The following CALCRL variants were observed in gnomAD, a reference collection of about 807,000 sequenced individuals.
CALCRL encodes calcitonin gene-related peptide type 1 receptor.
A neutral mutation model predicts 60.4 loss-of-function variants in CALCRL; 27 were observed. That is an observed-to-expected ratio of 0.45 (90% CI 0.33 to 0.62). CALCRL has a LOEUF of 0.62. CALCRL is among the 20% of genes least tolerant of loss of function. The pLI, the probability that CALCRL is intolerant of heterozygous loss-of-function variation, is 0.03. For synonymous variants in CALCRL, 190 were observed against 182.6 expected, an observed-to-expected ratio of 1.04 and a Z score of -0.33; for missense variants, 424 against 540.7, an observed-to-expected ratio of 0.78 and a Z score of 2.14.
At chr2:187,419,986 C>T (rs1189546772) in intron 1 of CALCRL, among the ~76,000 whole-genome samples, 1 of 152,112 alleles carries the variant, frequency 6.6e-6, no homozygotes, top group East Asian at 1.9e-4. Context: ...CCTCTGTTTG[C>T]CCTACTAATA....
Position 187,345,038 on chromosome 2 carries a change from T to C in CALCRL, c.*1146A>G, listed in dbSNP as rs1686221219. 1 of 152,148 alleles carries C rather than the reference T, an allele frequency of 6.6e-6. No homozygotes were observed. Among genetic ancestry groups the C allele is most frequent in the Admixed American group, 6.6e-5 (1 of 15,166 alleles). The allele number at this position is 152,148 out of a possible 1,614,324, so 9.4% of individuals were successfully genotyped here. A position where few individuals can be genotyped will look rare whatever the true frequency, so the allele number is the denominator to read the frequency against. On this transcript the variant is annotated 3_prime_UTR_variant, in exon 15 of 15. Coordinates refer to ENST00000392370, the MANE Select transcript of CALCRL (RefSeq NM_005795.6). ...ATATATCTTATGATAGATGTTTCTG[T>C]TCTCTTAGTTCTCAAACAGACTTCT... is the stretch of plus-strand genomic sequence containing the variant.
chr2:187,420,015 A>G (rs951922517), intron 1 of CALCRL, among the ~76,000 whole-genome samples: 1 of 152,176 alleles, frequency 6.6e-6, no homozygotes, highest in Non-Finnish European at 1.5e-5. Flanking sequence ...CCTAGTTGCT[A>G]TTGTCACATT....
intron 14 of CALCRL, among the ~76,000 whole-genome samples, chr2:187,350,194 C>G (rs940449315): frequency 4.0e-5 from 6 of 151,444 alleles, no homozygotes; most frequent in Non-Finnish European, 5.9e-5. Context: ...AAAATTAGTT[C>G]ATGGAATTAA....
At chr2:187,432,213 G>C (rs1690436483) in intron 1 of CALCRL, among the ~76,000 whole-genome samples, 1 of 152,108 alleles carries the variant, frequency 6.6e-6, no homozygotes, top group Non-Finnish European at 1.5e-5. Flanking sequence ...AAATATGGAA[G>C]TTACATAAAT....
rs73981584 is a variant in CALCRL at position 187,447,091 on chromosome 2, A to T, written c.-293+948T>A. On this transcript the variant is annotated intron_variant, in intron 1 of 14. Coordinates refer to ENST00000392370, the MANE Select transcript of CALCRL (RefSeq NM_005795.6). ...CAGACATTAGTTTCTTAAATTGTTC[A>T]GGACAGTCTGTACTATCGGAATGAG... Among the ~76,000 whole-genome samples the T allele has an allele frequency of 5.9e-3, 894 of 152,212 alleles. 16 individuals carry two copies. The highest frequency in any genetic ancestry group is 0.021 in the African/African-American group (864 of 41,578).
At chr2:187,383,095 C>T (rs1688046806) in intron 5 of CALCRL, 78 bp downstream of exon 5, 10 of 1,379,968 alleles carry the variant, frequency 7.2e-6, no homozygotes, top group African/African-American at 2.9e-5. Flanking sequence ...GGACCTAAAG[C>T]ACTTATAATG....
intron 1 of CALCRL, among the ~76,000 whole-genome samples, chr2:187,443,829 T>G (rs1156653813): frequency 2.0e-5 from 3 of 151,728 alleles, no homozygotes; most frequent in African/African-American, 7.2e-5. Context: ...TTCCTTCAAA[T>G]TATCCTTGGA....
At chr2:187,442,347 A>C (rs1216340916) in intron 1 of CALCRL, among the ~76,000 whole-genome samples, 1 of 151,284 alleles carries the variant, frequency 6.6e-6, no homozygotes, top group Non-Finnish European at 1.5e-5. Flanking sequence ...TGTAAGCAAA[A>C]TGAGAATCCC....
At chr2:187,398,199 C>T (rs2105817333) in intron 1 of CALCRL, among the ~76,000 whole-genome samples, 1 of 151,752 alleles carries the variant, frequency 6.6e-6, no homozygotes, top group East Asian at 1.9e-4. Context: ...ATTAATTGCT[C>T]AAAGAGCACT....
At chr2:187,432,208 T>C (rs1690436374) in intron 1 of CALCRL, among the ~76,000 whole-genome samples, 1 of 152,134 alleles carries the variant, frequency 6.6e-6, no homozygotes, top group Non-Finnish European at 1.5e-5. Flanking sequence ...CAAACAAATA[T>C]GGAAGTTACA....
chr2:187,396,190 T>G (rs11904392), intron 1 of CALCRL, among the ~76,000 whole-genome samples: 2 of 149,368 alleles, frequency 1.3e-5, no homozygotes, highest in East Asian at 2.0e-4. Flanking sequence ...AAAAAATAAA[T>G]AAATAAAGAA....
intron 1 of CALCRL, among the ~76,000 whole-genome samples, chr2:187,447,234 G>A (rs896895278): frequency 2.0e-5 from 3 of 151,518 alleles, no homozygotes; most frequent in Admixed American, 6.6e-5. Context: ...AAGCTGTCAC[G>A]TTTCTTTATC....
chr2:187,436,204 C>T (rs1005050303), intron 1 of CALCRL, among the ~76,000 whole-genome samples: 1 of 151,850 alleles, frequency 6.6e-6, no homozygotes, highest in African/African-American at 2.4e-5. Flanking sequence ...GTTATTATGC[C>T]CTATTCATAC....
intron 8 of CALCRL, among the ~76,000 whole-genome samples, chr2:187,378,477 C>T (rs140017190): frequency 4.6e-5 from 7 of 152,130 alleles, no homozygotes; most frequent in East Asian, 1.9e-4. Context: ...AATGATGACC[C>T]GCCAAACGAG....
intron 14 of CALCRL, among the ~76,000 whole-genome samples, chr2:187,350,504 C>A (rs760880742): frequency 6.7e-6 from 1 of 149,058 alleles, no homozygotes; most frequent in Non-Finnish European, 1.5e-5. Context: ...GGAAGTACCA[C>A]TTAAATGTAT....
chr2:187,355,797 CA>C (rs1256755582), intron 12 of CALCRL, among the ~76,000 whole-genome samples: 4 of 152,100 alleles, frequency 2.6e-5, no homozygotes, highest in African/African-American at 9.7e-5. Flanking sequence ...GCAACTTTAG[CA>C]AAGTCTCAGG....
intron 14 of CALCRL, among the ~76,000 whole-genome samples, chr2:187,347,245 GCT>G (rs544888860): frequency 1.3e-5 from 2 of 151,910 alleles, no homozygotes; most frequent in African/African-American, 4.8e-5. Context: ...TACATCTCTA[GCT>G]CAAGTACGTT....
chr2:187,412,643 G>A (rs1689417039), intron 1 of CALCRL, among the ~76,000 whole-genome samples: 1 of 152,158 alleles, frequency 6.6e-6, no homozygotes, highest in South Asian at 2.1e-4. Context: ...GCTAAGGGCA[G>A]CCTCTGCTTG....
intron 8 of CALCRL, among the ~76,000 whole-genome samples, chr2:187,363,793 T>C (rs1687161023): frequency 1.3e-5 from 2 of 152,188 alleles, no homozygotes; most frequent in Non-Finnish European, 2.9e-5. Flanking sequence ...ACATAATTAA[T>C]AGTTTAATTC....
Sources: gnomAD v4.1 joint callset for allele counts (sites outside exome capture counted in the v4.1 genomes callset) on GRCh38, gnomAD v4.1.1 for gene constraint, MANE v1.5 for transcripts, NCBI Gene and HGNC (gene_info 2026-07-23, HGNC 2026-07-21) for gene names.